Variants in CA10 observed in about 807,000 individuals in gnomAD.
CA10 encodes carbonic anhydrase-related protein 10.
CA10 carries 14 observed loss-of-function variants against 44.2 expected under a neutral mutation model. The observed-to-expected ratio is 0.32, with a 90% CI of 0.21 to 0.50. The LOEUF is 0.50. Among genes scored for constraint, CA10 ranks in the 20% least tolerant of loss-of-function variants. The pLI is 0.99. For missense variants in CA10, 350 were observed against 409.7 expected (o/e 0.85, Z 1.26); for synonymous variants, 159 against 141.6 (o/e 1.12, Z -0.87).
chr17:51,899,671 T>A (rs1260375213), intron 3 of CA10, among the ~76,000 whole-genome samples: 1 of 152,160 alleles, frequency 6.6e-6, no homozygotes, highest in Non-Finnish European at 1.5e-5. Context: ...ACTATTGTTG[T>A]ATGGTAATCT....
chr17:52,063,605 G>A (rs1187789472), intron 2 of CA10, among the ~76,000 whole-genome samples: 1 of 152,078 alleles, frequency 6.6e-6, no homozygotes, highest in Admixed American at 6.6e-5. Context: ...AAAGAACCTG[G>A]CAATTTCTCT....
At chr17:51,765,899 A>G (rs1457587191) in intron 3 of CA10, among the ~76,000 whole-genome samples, 2 of 152,162 alleles carry the variant, frequency 1.3e-5, no homozygotes, top group Non-Finnish European at 2.9e-5. Context: ...AGAGTAAATT[A>G]CAGCTGAAGA....
intron 4 of CA10, among the ~76,000 whole-genome samples, chr17:51,724,190 C>G (rs1473716075): frequency 2.6e-5 from 4 of 152,198 alleles, no homozygotes; most frequent in African/African-American, 9.7e-5. Context: ...ACTGTCCTTG[C>G]AGAGTGGCAG....
At chr17:51,881,636 A>C (rs1257861336) in intron 3 of CA10, among the ~76,000 whole-genome samples, 1 of 152,240 alleles carries the variant, frequency 6.6e-6, no homozygotes, top group African/African-American at 2.4e-5. Flanking sequence ...CAATTTACAA[A>C]CAAATACAAA....
chr17:51,856,792 G>A (rs190698918), intron 3 of CA10, among the ~76,000 whole-genome samples: 11 of 152,284 alleles, frequency 7.2e-5, no homozygotes, highest in African/African-American at 2.2e-4. Context: ...AGTTGAATCA[G>A]GGGGCTTATG....
At chr17:51,664,719 G>C (rs1914147657) in intron 4 of CA10, among the ~76,000 whole-genome samples, 1 of 152,066 alleles carries the variant, frequency 6.6e-6, no homozygotes, top group Admixed American at 6.6e-5. Context: ...GGCTCTGAAA[G>C]CTTCAGCAAT....
At chr17:51,846,088 T>C (rs1422606165) in intron 3 of CA10, among the ~76,000 whole-genome samples, 3 of 152,222 alleles carry the variant, frequency 2.0e-5, no homozygotes, top group African/African-American at 4.8e-5. Flanking sequence ...TACCTCACCA[T>C]GGAGCAGAGA....
intron 1 of CA10, among the ~76,000 whole-genome samples, chr17:52,085,658 A>C (rs1988097749): frequency 1.3e-5 from 2 of 152,150 alleles, no homozygotes; most frequent in African/African-American, 2.4e-5. Context: ...GGCATTTATT[A>C]TATACATTTA....
rs184330203 is a variant in CA10 at position 52,012,461 on chromosome 17, C to T, written c.136+59858G>A. 4.6e-5 allele frequency among the ~76,000 whole-genome samples: 7 copies of T among 152,064 alleles called. No homozygotes were observed. The East Asian group carries it at 9.7e-4, about 21-fold the overall frequency. Reference sequence around the variant, plus strand: ...GAAATGGTAGAAGCTGAGTCTAGGTCACATGGTTATGGAATATCTATTATA... The same window carrying T: ...GAAATGGTAGAAGCTGAGTCTAGGTTACATGGTTATGGAATATCTATTATA... On this transcript the variant is annotated intron_variant, in intron 2 of 8. Transcript: ENST00000451037.
At chr17:51,940,749 T>C (rs1264795909) in intron 2 of CA10, among the ~76,000 whole-genome samples, 3 of 151,950 alleles carry the variant, frequency 2.0e-5, no homozygotes, top group Middle Eastern at 3.4e-3. Context: ...TGGCTCCAGA[T>C]TCCTTGTGTT....
intron 2 of CA10, among the ~76,000 whole-genome samples, chr17:52,069,706 T>G (rs1987630074): frequency 6.6e-6 from 1 of 152,242 alleles, no homozygotes; most frequent in Non-Finnish European, 1.5e-5. Context: ...GCTATTGAAC[T>G]GACCAAAGTG....
At chr17:52,071,184 C>T (rs748108382) in intron 2 of CA10, among the ~76,000 whole-genome samples, 2 of 152,062 alleles carry the variant, frequency 1.3e-5, no homozygotes, top group African/African-American at 4.8e-5. Flanking sequence ...TAATCAAGTT[C>T]GGTTTCTATG....
chr17:52,124,467 T>C (rs16951008), intron 1 of CA10, among the ~76,000 whole-genome samples: 3,921 of 152,284 alleles, frequency 0.026, 111 homozygotes, highest in Middle Eastern at 0.095. Flanking sequence ...ATGCAGTTGC[T>C]CAAAGCCTGA....
At chr17:51,659,583 G>A (rs1465441641) in intron 4 of CA10, among the ~76,000 whole-genome samples, 4 of 152,158 alleles carry the variant, frequency 2.6e-5, no homozygotes, top group South Asian at 2.1e-4. Flanking sequence ...AACCATAGAC[G>A]CCCAGTACAG....
chr17:51,746,634 T>A (rs565600898), intron 4 of CA10, among the ~76,000 whole-genome samples: 3 of 152,342 alleles, frequency 2.0e-5, no homozygotes, highest in Admixed American at 6.5e-5. Context: ...CTCTTTGAGC[T>A]CCTCTGTGGT....
chr17:51,712,113 G>T lies in CA10; in HGVS notation c.465+35520C>A, dbSNP rs985368375. Among the ~76,000 whole-genome samples the T allele has an allele frequency of 2.0e-5, 3 of 152,194 alleles. No individual in the cohort carries two copies. The East Asian group carries it at 5.8e-4, about 29-fold the overall frequency. ...TACCCCAGGCTCCAGACACTATCTT[G>T]TTCACCTCTGAACATAATGGGTCAT... On this transcript the variant is annotated intron_variant, in intron 4 of 8. Coordinates refer to ENST00000451037, the MANE Select transcript of CA10 (RefSeq NM_020178.5).
chr17:51,830,911 C>T (rs1345579115), intron 3 of CA10, among the ~76,000 whole-genome samples: 1 of 152,152 alleles, frequency 6.6e-6, no homozygotes, highest in East Asian at 1.9e-4. Context: ...ACAGCTAGAC[C>T]ACAGGCCTGA....
At position 51,640,413 on chromosome 17, in the gene CA10, G is replaced by A. The variant is rs899623625; in HGVS notation, c.635-4404C>T. Among the ~76,000 whole-genome samples, 4 of 152,150 alleles carry A rather than the reference G, an allele frequency of 2.6e-5. No individual in the cohort carries two copies. In the East Asian group the frequency reaches 5.8e-4, roughly 22 times the overall value. ...CTAAGACATCAGGGTGAGATTGCCT[G>A]CCCTGTTTCCATCTCCATATGCTAT... On this transcript the variant is annotated intron_variant, in intron 6 of 8. Transcript: ENST00000451037.
At chr17:52,152,050 T>C (rs1485985906) in intron 1 of CA10, among the ~76,000 whole-genome samples, 1 of 152,078 alleles carries the variant, frequency 6.6e-6, no homozygotes, top group Non-Finnish European at 1.5e-5. Flanking sequence ...GAGGTAATTA[T>C]CATCTCTGTT....
Sources: gnomAD v4.1 joint callset for allele counts (sites outside exome capture counted in the v4.1 genomes callset) on GRCh38, gnomAD v4.1.1 for gene constraint, MANE v1.5 for transcripts, NCBI Gene and HGNC (gene_info 2026-07-23, HGNC 2026-07-21) for gene names.